SLC13A5: variants seen among roughly 807,000 people sequenced by gnomAD.
SLC13A5 encodes Na(+)/citrate cotransporter.
Under a neutral mutation model 56.5 loss-of-function variants are expected in SLC13A5, and 25 were observed. That is an observed-to-expected ratio of 0.44 (90% CI 0.32 to 0.62). The LOEUF (loss-of-function observed/expected upper bound fraction) is 0.62. Ranked by LOEUF, SLC13A5 falls within the 20% of genes least tolerant of loss-of-function variation. The pLI is 0.04. For synonymous variants in SLC13A5, 307 were observed against 301.5 expected (o/e 1.02, Z -0.19); for missense variants, 649 against 737.8 (o/e 0.88, Z 1.39).
Position 6,687,475 on chromosome 17 carries a change from CT to C in SLC13A5, c.1575+53del. 1 of 1,603,456 alleles carries C rather than the reference CT, an allele frequency of 6.2e-7. No individual in the cohort carries two copies. The highest frequency in any genetic ancestry group is 8.5e-7 in the Non-Finnish European group (1 of 1,176,210). On this transcript the variant is annotated intron_variant, in intron 11 of 11. Coordinates refer to ENST00000433363, the MANE Select transcript of SLC13A5 (RefSeq NM_177550.5). This position sits in a 1 kb window ranked among gnomAD's most constrained non-coding sequence, Gnocchi z 5.0. ...TCTGTCATTCATAAATGGGGCATCC[CT>C]TATGACAACAGCGTTATAGTCCGAC...
intron 6 of SLC13A5, among the ~76,000 whole-genome samples, chr17:6,697,120 TC>T (rs748080432): frequency 3.2e-4 from 49 of 152,268 alleles, no homozygotes; most frequent in Non-Finnish European, 6.3e-4. Flanking sequence ...TCTCTAGACA[TC>T]CGGCACAGGG....
Position 6,686,141 on chromosome 17 carries a change from G to A in SLC13A5, c.*66C>T. On this transcript the variant is annotated 3_prime_UTR_variant, in exon 12 of 12. Transcript: ENST00000433363. ...GTGTGAACCCCAAAACTCTGTACAA[G>A]GTGTGCCAGAAGGTTCGGTAGTCCT... is the stretch of plus-strand genomic sequence containing the variant. 1.2e-6 allele frequency: 2 copies of A among 1,605,950 alleles called. No homozygotes were observed. The highest frequency in any genetic ancestry group is 1.7e-6 in the Non-Finnish European group (2 of 1,174,898).
chr17:6,704,028 C>T lies in SLC13A5; in HGVS notation c.397G>A (p.Ala133Thr), dbSNP rs1162788954. The change falls in exon 4 of 12, where the codon GCC (alanine) becomes ACC (threonine). Residue 133 changes from alanine (A) to threonine (T), a missense_variant. Transcript: ENST00000433363. ...TTACTGATCCACATGGACAGGAGGG[C>T]TGTGACGCCCATGAAGCCCAGCATC... is the stretch of plus-strand genomic sequence containing the variant. The part of the protein sequence containing the change: ...RLMLGFMGVT[A>T]LLSMWISNTA... 3 of 1,612,534 alleles carry T rather than the reference C, an allele frequency of 1.9e-6. No homozygotes were observed. The highest frequency in any genetic ancestry group is 2.5e-6 in the Non-Finnish European group (3 of 1,179,326).
chr17:6,687,861 C>G lies in SLC13A5; in HGVS notation c.1438-195G>C. ...ACTGAAGGCTGAGGTCAGAGGCCACCTGCCCTAGAAGGCCTTACCCCCTCA... is the reference window on the plus strand; with the variant it reads ...ACTGAAGGCTGAGGTCAGAGGCCACGTGCCCTAGAAGGCCTTACCCCCTCA... On this transcript the variant is annotated intron_variant, in intron 10 of 11. Transcript: ENST00000433363. The surrounding 1 kb of genome is among the most constrained non-coding windows in gnomAD (Gnocchi z 5.0). The G allele has an allele frequency of 1.7e-6, 1 of 604,404 alleles. No homozygotes were observed. Among genetic ancestry groups the G allele is most frequent in the Non-Finnish European group, 2.7e-6 (1 of 377,226 alleles). The allele number at this position is 604,404 out of a possible 1,614,324, so 37.4% of individuals were successfully genotyped here.
At chr17:6,689,354 C>G (rs1380627422) in intron 10 of SLC13A5, 1 of 152,256 alleles carries the variant, frequency 6.6e-6, no homozygotes, top group Non-Finnish European at 1.5e-5. Flanking sequence ...CAGCCCAGCT[C>G]AATGACCATC....
At chr17:6,710,483 G>A (rs190305622) in intron 1 of SLC13A5, among the ~76,000 whole-genome samples, 9 of 152,094 alleles carry the variant, frequency 5.9e-5, no homozygotes, top group Admixed American at 3.9e-4. Context: ...GGTGGCGTGC[G>A]TCACCAATGT....
chr17:6,699,089 A>T (rs1334176524), intron 6 of SLC13A5, among the ~76,000 whole-genome samples: 5 of 84,302 alleles, frequency 5.9e-5, no homozygotes, highest in South Asian at 4.0e-4. Context: ...ATAAATAAAT[A>T]AAATAAAATA....
chr17:6,685,645 G>A lies in SLC13A5; in HGVS notation c.*562C>T, dbSNP rs1443149853. ...GGAGGAGTTCCCAGAGGCTTCAGGA[G>A]GCTCTGATTCCCACTCGCACTCCAG... On this transcript the variant is annotated 3_prime_UTR_variant, in exon 12 of 12. Transcript: ENST00000433363. The surrounding 1 kb of genome is among the most constrained non-coding windows in gnomAD (Gnocchi z 4.2). 6.4e-6 allele frequency: 1 copy of A among 156,108 alleles called. No individual in the cohort carries two copies. Among genetic ancestry groups the A allele is most frequent in the African/African-American group, 2.4e-5 (1 of 41,498 alleles). 9.7% of individuals were successfully genotyped at this position (156,108 alleles called of 1,614,324 possible).
At chr17:6,710,295 G>T (rs999147955) in intron 1 of SLC13A5, among the ~76,000 whole-genome samples, 1 of 152,198 alleles carries the variant, frequency 6.6e-6, no homozygotes, top group African/African-American at 2.4e-5. Context: ...CTATCATCAA[G>T]TGATAGCAAT....
At chr17:6,706,399 A>G (rs1448169855) in intron 3 of SLC13A5, among the ~76,000 whole-genome samples, 1 of 151,970 alleles carries the variant, frequency 6.6e-6, no homozygotes. Context: ...GCCTGCAAGG[A>G]CTCTTGCTGA....
rs994008577 is a variant in SLC13A5, at chr17:6,701,748, C to T, written c.717-622G>A. Among the ~76,000 whole-genome samples, 1 of 152,182 alleles carries T rather than the reference C, an allele frequency of 6.6e-6. No individual in the cohort carries two copies. The highest frequency in any genetic ancestry group is 1.5e-5 in the Non-Finnish European group (1 of 68,024). ...GAAAAATACACCTTTTATACACATG[C>T]ATGTAATTTGGCTGACATCTTTGGG... On this transcript the variant is annotated intron_variant, in intron 5 of 11. Coordinates refer to ENST00000433363, the MANE Select transcript of SLC13A5 (RefSeq NM_177550.5). This position sits in a 1 kb window ranked among gnomAD's most constrained non-coding sequence, Gnocchi z 4.1.
At chr17:6,708,260 G>A (rs1205048220) in intron 1 of SLC13A5, among the ~76,000 whole-genome samples, 13 of 152,168 alleles carry the variant, frequency 8.5e-5, no homozygotes, top group Admixed American at 6.5e-5. Flanking sequence ...GAGCCACCGC[G>A]CCCAACCTCA....
At chr17:6,691,594 G>A (rs182790144) in intron 9 of SLC13A5, among the ~76,000 whole-genome samples, 1 of 152,324 alleles carries the variant, frequency 6.6e-6, no homozygotes, top group East Asian at 1.9e-4. Flanking sequence ...AGTCAGCAAC[G>A]AAGGCTGAGC....
Position 6,706,712 on chromosome 17 carries a change from C to T in SLC13A5, c.298G>A (p.Val100Met), listed in dbSNP as rs1450761674. The T allele has an allele frequency of 6.2e-7, 1 of 1,614,050 alleles. No individual in the cohort carries two copies. The change falls in exon 3 of 12, where the codon GTG (valine) becomes ATG (methionine). Residue 100 changes from valine to methionine, a missense_variant. Val to Met is a conservative substitution (Grantham distance 21). Transcript: ENST00000433363. ...FLGGLIVAVA[V>M]ERWNLHKRIA... ...CTCTTGTGCAGGTTCCAGCGCTCCA[C>T]AGCCACGGCCACGATGAGGCCGCCC...
chr17:6,710,136 T>C (rs886599305), intron 1 of SLC13A5, among the ~76,000 whole-genome samples: 9 of 152,340 alleles, frequency 5.9e-5, no homozygotes, highest in Non-Finnish European at 1.0e-4. Flanking sequence ...CTGTCTGGCC[T>C]TTGGCAGCCA....
At chr17:6,695,976 G>GA (rs752186505) in intron 6 of SLC13A5, 35 bp from the exon 7 acceptor site, 5 of 1,599,464 alleles carry the variant, frequency 3.1e-6, no homozygotes, top group Non-Finnish European at 4.3e-6. Context: ...GGGCAGGGCA[G>GA]ACTGGTTGGC....
chr17:6,710,168 G>A (rs1973982013), intron 1 of SLC13A5, among the ~76,000 whole-genome samples: 1 of 152,254 alleles, frequency 6.6e-6, no homozygotes, highest in African/African-American at 2.4e-5. Flanking sequence ...GGGGCTTGGT[G>A]TCGGGGTGTA....
rs1973247974 is a variant in SLC13A5 at position 6,686,242 on chromosome 17, G to A, written c.1672C>T (p.Pro558Ser). The part of the protein sequence containing the change: ...GRAIFDLDHF[P>S]DWANVTHIET Reference sequence around the variant, plus strand: ...ATATGTGTCACATTAGCCCAGTCAGGGAAATGATCCAAGTCAAATATGGCC... The same window carrying A: ...ATATGTGTCACATTAGCCCAGTCAGAGAAATGATCCAAGTCAAATATGGCC... The change falls in exon 12 of 12, where the codon CCT (proline) becomes TCT (serine). Residue 558 changes from proline to serine, a missense_variant. Coordinates refer to ENST00000433363, the MANE Select transcript of SLC13A5 (RefSeq NM_177550.5). The A allele has an allele frequency of 6.2e-7, 1 of 1,614,040 alleles. No homozygotes were observed. The highest frequency in any genetic ancestry group is 1.3e-5 in the African/African-American group (1 of 74,902).
Position 6,699,044 on chromosome 17 carries a change from A to AAAATAAATAAAT in SLC13A5, c.839+1948_839+1959dup, listed in dbSNP as rs201152183. On this transcript the variant is annotated intron_variant, in intron 6 of 11. Transcript: ENST00000433363. ...GGTGACAGAGCAAGACACTGTCTCA[A>AAAATAAATAAAT]AAATAAATAAATAAATAAATAAATA... 3.0e-3 allele frequency among the ~76,000 whole-genome samples: 416 copies of AAAATAAATAAAT among 138,172 alleles called. 3 individuals are homozygous for AAAATAAATAAAT. Among genetic ancestry groups the AAAATAAATAAAT allele is most frequent in the African/African-American group, 4.1e-3 (147 of 35,568 alleles). The allele number at this position is 138,172 out of a possible 152,430, so 90.6% of individuals were successfully genotyped here.
Sources: gnomAD v4.1 joint callset for allele counts (sites outside exome capture counted in the v4.1 genomes callset) on GRCh38, gnomAD v4.1.1 for gene constraint, Gnocchi (gnomAD v3.1) non-coding constraint, MANE v1.5 for transcripts, NCBI Gene and HGNC (gene_info 2026-07-23, HGNC 2026-07-21) for gene names.